The following RBFOX1 variants were observed in gnomAD, a reference collection of about 807,000 sequenced individuals.
RBFOX1 encodes the protein RNA binding protein fox-1 homolog 1.
RBFOX1 carries 8 observed loss-of-function variants against 57.7 expected under a neutral mutation model. That is an observed-to-expected ratio of 0.14 (90% CI 0.08 to 0.25). The LOEUF (loss-of-function observed/expected upper bound fraction) is 0.25. Ranked by LOEUF, RBFOX1 falls within the 10% of genes least tolerant of loss-of-function variation. The pLI is 1.00. For synonymous variants in RBFOX1, 326 were observed against 222.4 expected (o/e 1.47, Z -4.15); for missense variants, 611 against 548.5 (o/e 1.11, Z -1.14).
chr16:6,037,935 C>G (rs1170751310), intron 1 of RBFOX1: 1 of 152,010 alleles, frequency 6.6e-6, no homozygotes, highest in Non-Finnish European at 1.5e-5. Flanking sequence ...AATGAAAAGA[C>G]TTGCAGTTTT....
At chr16:7,094,552 G>A (rs934724507) in intron 4 of RBFOX1, among the ~76,000 whole-genome samples, 1 of 151,832 alleles carries the variant, frequency 6.6e-6, no homozygotes, top group African/African-American at 2.4e-5. Flanking sequence ...ATCATTCGAA[G>A]TCAGACTGTC....
intron 5 of RBFOX1, among the ~76,000 whole-genome samples, chr16:7,525,375 G>C (rs964216546): frequency 1.3e-5 from 2 of 152,130 alleles, no homozygotes; most frequent in African/African-American, 4.8e-5. Context: ...ATCTTGCACT[G>C]TTGATATTTA....
upstream of RBFOX1, among the ~76,000 whole-genome samples, chr16:6,014,404 T>C (rs1479150985): frequency 2.0e-5 from 3 of 152,194 alleles, no homozygotes; most frequent in African/African-American, 7.2e-5. Flanking sequence ...GTGCAAAAGT[T>C]GCTGTCTTTT....
At chr16:5,674,698 G>T (rs77628966) in intron 3 of RBFOX1, among the ~76,000 whole-genome samples, 1 of 152,160 alleles carries the variant, frequency 6.6e-6, no homozygotes, top group African/African-American at 2.4e-5. Context: ...ATGCATGGAC[G>T]TTGGAGAAAG....
At chr16:5,247,766 C>G (rs947201114) in intron 1 of RBFOX1, among the ~76,000 whole-genome samples, 4 of 152,148 alleles carry the variant, frequency 2.6e-5, no homozygotes, top group African/African-American at 9.7e-5. Flanking sequence ...AAATGCTGAG[C>G]CTTGTACCCC....
intron 2 of RBFOX1, among the ~76,000 whole-genome samples, chr16:6,368,014 G>A (rs567738905): frequency 6.6e-6 from 1 of 152,222 alleles, no homozygotes; most frequent in East Asian, 1.9e-4. Flanking sequence ...TTGATTTGAG[G>A]GACATAAATG....
intron 2 of RBFOX1, among the ~76,000 whole-genome samples, chr16:5,529,501 A>T (rs10852657): frequency 6.6e-6 from 1 of 150,524 alleles, no homozygotes; most frequent in Non-Finnish European, 1.5e-5. Flanking sequence ...GGTTCAAGCA[A>T]TTCTCCTGCC....
At chr16:6,671,548 C>G (rs188245342) in intron 3 of RBFOX1, among the ~76,000 whole-genome samples, 3 of 152,092 alleles carry the variant, frequency 2.0e-5, no homozygotes, top group African/African-American at 7.2e-5. Flanking sequence ...GGGCAAGTTC[C>G]TTAGTCTTTC....
At chr16:5,514,360 G>C (rs1398346396) in intron 2 of RBFOX1, among the ~76,000 whole-genome samples, 1 of 152,214 alleles carries the variant, frequency 6.6e-6, no homozygotes, top group Non-Finnish European at 1.5e-5. Flanking sequence ...TGGCAGAAGA[G>C]TGAGAAAGGA....
intron 4 of RBFOX1, among the ~76,000 whole-genome samples, chr16:7,133,845 G>A (rs2071184646): frequency 6.6e-6 from 1 of 151,994 alleles, no homozygotes; most frequent in South Asian, 2.1e-4. Context: ...AAAACGTAAT[G>A]CCCATTTTGA....
At chr16:6,527,606 A>T (rs2096599148) in intron 2 of RBFOX1, among the ~76,000 whole-genome samples, 1 of 152,090 alleles carries the variant, frequency 6.6e-6, no homozygotes, top group Admixed American at 6.6e-5. Context: ...AATTGCATGC[A>T]CCTGCAATGA....
At chr16:6,948,530 C>G (rs192018629) in intron 3 of RBFOX1, among the ~76,000 whole-genome samples, 2 of 151,300 alleles carry the variant, frequency 1.3e-5, no homozygotes, top group Non-Finnish European at 3.0e-5. Context: ...CTAGAGGCGC[C>G]CACCACCATG....
At chr16:7,222,982 T>G (rs1251276469) in intron 4 of RBFOX1, among the ~76,000 whole-genome samples, 1 of 152,212 alleles carries the variant, frequency 6.6e-6, no homozygotes, top group African/African-American at 2.4e-5. Context: ...CATAAACATC[T>G]GGGCTGCATG....
chr16:6,159,055 A>G (rs1307363497), intron 1 of RBFOX1, among the ~76,000 whole-genome samples: 1 of 152,036 alleles, frequency 6.6e-6, no homozygotes, highest in Admixed American at 6.6e-5. Context: ...GGCACCGACC[A>G]CCATGCCCAG....
intron 3 of RBFOX1, among the ~76,000 whole-genome samples, chr16:6,697,968 G>C (rs188800268): frequency 1.3e-4 from 20 of 152,252 alleles, no homozygotes; most frequent in African/African-American, 4.1e-4. Context: ...GAGTTGATTG[G>C]TCTATGGTAT....
At chr16:6,082,751 G>C (rs1380412015) in intron 1 of RBFOX1, among the ~76,000 whole-genome samples, 1 of 152,112 alleles carries the variant, frequency 6.6e-6, no homozygotes. Context: ...TAGAACTAGG[G>C]CTGAGGCAGG....
At chr16:6,899,528 T>C (rs1364501600) in intron 3 of RBFOX1, among the ~76,000 whole-genome samples, 1 of 152,216 alleles carries the variant, frequency 6.6e-6, no homozygotes, top group East Asian at 1.9e-4. Context: ...AATGAGTTTA[T>C]ATTTAGAGAC....
chr16:6,576,406 A>G (rs1484689254), intron 2 of RBFOX1, among the ~76,000 whole-genome samples: 1 of 152,212 alleles, frequency 6.6e-6, no homozygotes, highest in Non-Finnish European at 1.5e-5. Flanking sequence ...CCAACTCCAC[A>G]TAGTGGACCC....
chr16:6,389,853 A>T (rs572387114), intron 2 of RBFOX1, among the ~76,000 whole-genome samples: 4 of 152,284 alleles, frequency 2.6e-5, no homozygotes, highest in African/African-American at 9.6e-5. Flanking sequence ...TCTTCCCAGT[A>T]TTTGGGATAA....
Sources: gnomAD v4.1 joint callset for allele counts (sites outside exome capture counted in the v4.1 genomes callset) on GRCh38, gnomAD v4.1.1 for gene constraint, MANE v1.5 for transcripts, NCBI Gene and HGNC (gene_info 2026-07-23, HGNC 2026-07-21) for gene names.